Variants in MRI1 observed in about 807,000 individuals in gnomAD.
The protein encoded by MRI1 is methylthioribose-1-phosphate isomerase.
MRI1 carries 32 observed loss-of-function variants against 27.3 expected under a neutral mutation model. The ratio of observed to expected loss-of-function variants is 1.17; its 90% confidence interval spans 0.88 to 1.57. The LOEUF (loss-of-function observed/expected upper bound fraction) is 1.57. Among genes scored for constraint, MRI1 ranks in the 40% most tolerant of loss-of-function variants. The pLI is 0.00. For missense variants in MRI1, 508 were observed against 516.1 expected, an observed-to-expected ratio of 0.98 and a Z score of 0.15; for synonymous variants, 216 against 227.4, an observed-to-expected ratio of 0.95 and a Z score of 0.45.
chr19:13,764,698 G>T lies in MRI1; in HGVS notation c.110G>T (p.Trp37Leu), dbSNP rs947981179. 1 of 1,533,402 alleles carries T rather than the reference G, an allele frequency of 6.5e-7. No individual in the cohort carries two copies. 95.0% of individuals were successfully genotyped at this position (1,533,402 alleles called of 1,614,324 possible). A position where few individuals can be genotyped will look rare whatever the true frequency, so the allele number is the denominator to read the frequency against. ...GCGGTGGGCTCGGTGCACCAGGCCT[G>T]GGAGGCCATCCGCGCCATGAAGGTG... ...YEAVGSVHQA[W>L]EAIRAMKVRG... Residue 37 changes from tryptophan to leucine, a missense_variant, in exon 1 of 6, where the codon TGG becomes TTG. Trp to Leu is a moderately conservative substitution (Grantham distance 61, BLOSUM62 -2). Around this residue, in one of 3 missense-constraint regions of MRI1, gnomAD observed 19 missense variants for 43.0 expected, o/e 0.44. Transcript: ENST00000040663.
intron 5 of MRI1, among the ~76,000 whole-genome samples, chr19:13,769,429 G>A (rs778603053): frequency 2.2e-4 from 33 of 151,844 alleles, no homozygotes; most frequent in East Asian, 1.9e-4. Flanking sequence ...CTCCCAAAGC[G>A]CTAGGATTAC....
chr19:13,767,025 ATATATATATATATTTTTTTT>A lies in MRI1; in HGVS notation c.547+898_547+917del, dbSNP rs1490505191. Among the ~76,000 whole-genome samples the A allele has an allele frequency of 2.8e-3, 39 of 13,704 alleles. No homozygotes were observed. The East Asian group carries it at 0.056, about 20-fold the overall frequency. 9.0% of individuals were successfully genotyped at this position (13,704 alleles called of 152,430 possible). A position where few individuals can be genotyped will look rare whatever the true frequency, so the allele number is the denominator to read the frequency against. ...CACATCCACATATATATATATATAT[ATATATATATATATTTTTTTT>A]TTTTTTTTTTTTTTTTTTTTTGAGA... On this transcript the variant is annotated intron_variant, in intron 3 of 5. Transcript: ENST00000040663.
chr19:13,767,861 CTTTT>C (rs1170108927), intron 3 of MRI1, among the ~76,000 whole-genome samples: 660 of 61,052 alleles, frequency 0.011, 4 homozygotes, highest in African/African-American at 0.041. Context: ...TCTTTCTTTC[CTTTT>C]TTTTTTTTTT....
intron 5 of MRI1, among the ~76,000 whole-genome samples, chr19:13,769,290 A>G (rs1440054134): frequency 1.3e-5 from 2 of 152,156 alleles, no homozygotes; most frequent in Non-Finnish European, 2.9e-5. Context: ...CAGCCCCCCA[A>G]GTAGCTGGGA....
chr19:13,767,245 C>T (rs1287296386), intron 3 of MRI1, among the ~76,000 whole-genome samples: 1 of 151,252 alleles, frequency 6.6e-6, no homozygotes, highest in East Asian at 2.0e-4. Context: ...CGGGGTTTCA[C>T]GACATTGGCC....
rs149994742 is a variant in MRI1 at position 13,772,235 on chromosome 19, C to A, written c.1064C>A (p.Thr355Asn). The stretch of plus-strand genomic sequence containing the variant: ...GAGGAGCTCCGGACAGCCCTAACCA[C>A]CACCATCTCTTCCAGGGATGGAACC... ...APEELRTALT[T>N]TISSRDGTLD... The change falls in exon 6 of 6, where the codon ACC becomes AAC. Residue 355 changes from threonine to asparagine, a missense_variant. Thr to Asn is a moderately conservative substitution (Grantham distance 65, BLOSUM62 0). This residue lies in a region of MRI1 where 457 missense variants were observed against 452.8 expected (regional missense o/e 1.01). Coordinates refer to ENST00000040663, the MANE Select transcript of MRI1 (RefSeq NM_001031727.4). The A allele has an allele frequency of 2.7e-5, 44 of 1,613,982 alleles. 1 individual carries two copies. Among genetic ancestry groups the A allele is most frequent in the Non-Finnish European group, 3.5e-5 (41 of 1,179,988 alleles).
At chr19:13,768,246 G>T (rs1974184320) in intron 3 of MRI1, 2 of 710,134 alleles carry the variant, frequency 2.8e-6, no homozygotes, top group South Asian at 3.0e-5. Flanking sequence ...CACATGAGGT[G>T]TTAGAAGGTG....
In MRI1 at chr19:13,768,598, G is replaced by T; in HGVS notation, c.585G>T (p.Glu195Asp). Residue 195 changes from glutamate (E) to aspartate (D), a missense_variant, in exon 4 of 6, where the codon GAG (glutamate) becomes GAT (aspartate). Physicochemically the swap from Glu to Asp is conservative, Grantham distance 45. Transcript: ENST00000040663. ...CACTGCACAGCCTGGGCCGCCTGGA[G>T]CATGCCTTCTGCACAGAGACCCGGC... ...IRSLHSLGRL[E>D]HAFCTETRPY... is the part of the protein sequence containing the mutation. The T allele has an allele frequency of 6.2e-7, 1 of 1,611,754 alleles. No homozygotes were observed.
chr19:13,764,870 G>C lies in MRI1; in HGVS notation c.133-1G>C. The C allele has an allele frequency of 7.4e-7, 1 of 1,349,484 alleles. No homozygotes were observed. Among genetic ancestry groups the C allele is most frequent in the South Asian group, 1.8e-5 (1 of 54,898 alleles). 83.6% of individuals were successfully genotyped at this position (1,349,484 alleles called of 1,614,324 possible). On this transcript the variant is annotated splice_acceptor_variant, in intron 1 of 5. Transcript: ENST00000040663. LOFTEE classifies it high-confidence loss of function. ...CCGACGCCCAAATCCCTGCCCCGCAGGTGCGGGGCGCCCCGGCCATAGCCC... is the reference window on the plus strand; with the variant it reads ...CCGACGCCCAAATCCCTGCCCCGCACGTGCGGGGCGCCCCGGCCATAGCCC...
chr19:13,764,725 A>AGCGGGGCGGCGGGGCG lies in MRI1; in HGVS notation c.132+72_133-64dup, dbSNP rs71170559. The AGCGGGGCGGCGGGGCG allele has an allele frequency of 1.8e-5, 22 of 1,231,862 alleles. No homozygotes were observed. Among genetic ancestry groups the AGCGGGGCGGCGGGGCG allele is most frequent in the Admixed American group, 7.6e-5 (2 of 26,426 alleles). The allele number at this position is 1,231,862 out of a possible 1,614,324, so 76.3% of individuals were successfully genotyped here. A position where few individuals can be genotyped will look rare whatever the true frequency, so the allele number is the denominator to read the frequency against. On this transcript the variant is annotated splice_donor_region_variant and intron_variant, in intron 1 of 5. Coordinates refer to ENST00000040663, the MANE Select transcript of MRI1 (RefSeq NM_001031727.4). ...GAGGCCATCCGCGCCATGAAGGTGCAGCGGGGCGGCGGGGCGGCGGGGCGG... is the reference window on the plus strand; with the variant it reads ...GAGGCCATCCGCGCCATGAAGGTGCAGCGGGGCGGCGGGGCGGCGGGGCGGCGGGGCGGCGGGGCGG...
chr19:13,765,998 A>G lies in MRI1; in HGVS notation c.416A>G (p.Asp139Gly). 6.2e-7 allele frequency: 1 copy of G among 1,612,394 alleles called. No individual in the cohort carries two copies. The highest frequency in any genetic ancestry group is 8.5e-7 in the Non-Finnish European group (1 of 1,179,454). Residue 139 changes from aspartate (D) to glycine (G), a missense_variant, in exon 3 of 6, where the codon GAC becomes GGC. Transcript: ENST00000040663. ...TEDMLEKDLR[D>G]NRSIGDLGAR... is the part of the protein sequence containing the mutation. ...GACATGCTGGAGAAAGACCTCAGAG[A>G]CAACCGAAGCATTGGGGACCTAGGA...
chr19:13,767,365 C>T (rs917305587), intron 3 of MRI1, among the ~76,000 whole-genome samples: 3 of 151,354 alleles, frequency 2.0e-5, no homozygotes, highest in Admixed American at 6.6e-5. Context: ...TATTTTAAAT[C>T]GTGTCTAGAT....
chr19:13,766,753 G>A (rs1162027921), intron 3 of MRI1, among the ~76,000 whole-genome samples: 1 of 151,990 alleles, frequency 6.6e-6, no homozygotes, highest in East Asian at 1.9e-4. Flanking sequence ...CACTCACCCA[G>A]CATTTAGTAA....
intron 5 of MRI1, among the ~76,000 whole-genome samples, chr19:13,770,618 T>A (rs1391108665): frequency 6.6e-6 from 1 of 151,554 alleles, no homozygotes; most frequent in Non-Finnish European, 1.5e-5. Flanking sequence ...GCGCTGTGGC[T>A]CACGCCTGTA....
At chr19:13,768,528 G>A (rs377402115) in intron 3 of MRI1, 33 bp from the exon 4 acceptor site, 160 of 1,595,894 alleles carry the variant, frequency 1.0e-4, no homozygotes, top group Non-Finnish European at 1.3e-4. Flanking sequence ...GCCCCTCCCC[G>A]GGGCCTTCTC....
At chr19:13,771,737 T>C (rs928343216) in intron 5 of MRI1, among the ~76,000 whole-genome samples, 1 of 151,836 alleles carries the variant, frequency 6.6e-6, no homozygotes, top group African/African-American at 2.4e-5. Context: ...ATGCCTGTAA[T>C]CCCAGCTACT....
chr19:13,765,896 G>A (rs1974110872), intron 2 of MRI1, 58 bp from the exon 3 acceptor site: 1 of 1,527,108 alleles, frequency 6.5e-7, no homozygotes, highest in Non-Finnish European at 8.8e-7. Context: ...CAGAGAGGAG[G>A]CGTTGGCCTG....
chr19:13,771,518 G>A (rs912548264), intron 5 of MRI1, among the ~76,000 whole-genome samples: 1 of 151,950 alleles, frequency 6.6e-6, no homozygotes, highest in Admixed American at 6.6e-5. Context: ...GTGACACAAC[G>A]AGACTCTGTG....
Position 13,770,203 on chromosome 19 carries a change from A to T in MRI1, c.949+1155A>T, listed in dbSNP as rs78259770. ...GATCCTCACTGGTCCTATCTGTAAA[A>T]TGGGCTATGGCTAGAACCTGCTGCA... is the stretch of plus-strand genomic sequence containing the variant. On this transcript the variant is annotated intron_variant, in intron 5 of 5. Coordinates refer to ENST00000040663, the MANE Select transcript of MRI1 (RefSeq NM_001031727.4). 4.3e-3 allele frequency among the ~76,000 whole-genome samples: 655 copies of T among 152,290 alleles called. 6 individuals are homozygous for T. The highest frequency in any genetic ancestry group is 0.015 in the African/African-American group (634 of 41,574).
Sources: gnomAD v4.1 joint callset for allele counts (sites outside exome capture counted in the v4.1 genomes callset) on GRCh38, gnomAD v4.1.1 for gene constraint, gnomAD v4.1.1 regional missense constraint, MANE v1.5 for transcripts, NCBI Gene and HGNC (gene_info 2026-07-23, HGNC 2026-07-21) for gene names.